Variants in SBF2 observed in about 807,000 individuals in gnomAD.
The protein encoded by SBF2 is SET binding factor 2.
In SBF2, 112 loss-of-function variants were observed where a neutral mutation model predicts 225.2. That is an observed-to-expected ratio of 0.50 (90% CI 0.43 to 0.58). The LOEUF is 0.58. SBF2 is among the 20% of genes least tolerant of loss of function. The pLI is 0.00. For synonymous variants in SBF2, 763 were observed against 773.3 expected (o/e 0.99, Z 0.22); for missense variants, 1,996 against 2,206.2 (o/e 0.90, Z 1.91).
chr11:9,800,618 A>C (rs1037396630), intron 32 of SBF2, among the ~76,000 whole-genome samples: 1 of 151,922 alleles, frequency 6.6e-6, no homozygotes, highest in African/African-American at 2.4e-5. Flanking sequence ...TGTGTTAGCC[A>C]GGATGGTCTC....
At chr11:9,964,131 C>T (rs1444146983) in intron 14 of SBF2, among the ~76,000 whole-genome samples, 1 of 152,170 alleles carries the variant, frequency 6.6e-6, no homozygotes, top group Non-Finnish European at 1.5e-5. Context: ...GCACTGTAAT[C>T]CCAGTGACTC....
intron 2 of SBF2, among the ~76,000 whole-genome samples, chr11:10,085,288 C>T (rs1392438122): frequency 6.6e-6 from 1 of 152,140 alleles, no homozygotes; most frequent in Admixed American, 6.5e-5. Flanking sequence ...ACTCGTATTA[C>T]ATGAATATTA....
At chr11:9,787,505 C>T in intron 36 of SBF2, 129 bp downstream of exon 36, 1 of 756,504 alleles carries the variant, frequency 1.3e-6, no homozygotes. Context: ...GGACATGACC[C>T]CTCCCCTTTC....
chr11:10,063,856 C>CAGAGAG (rs1487944368), intron 2 of SBF2, among the ~76,000 whole-genome samples: 12 of 125,680 alleles, frequency 9.5e-5, no homozygotes, highest in African/African-American at 3.5e-4. Context: ...CACACACACA[C>CAGAGAG]ACAGAGAGAG....
chr11:10,275,781 C>T (rs1169882587), intron 1 of SBF2, among the ~76,000 whole-genome samples: 2 of 152,088 alleles, frequency 1.3e-5, no homozygotes, highest in African/African-American at 4.8e-5. Context: ...ACAAAAAATT[C>T]TATAGGCTCT....
intron 2 of SBF2, among the ~76,000 whole-genome samples, chr11:10,120,596 T>C (rs1953390428): frequency 6.6e-6 from 1 of 152,130 alleles, no homozygotes; most frequent in Non-Finnish European, 1.5e-5. Context: ...ACATCCTCAG[T>C]AACACTTGTT....
At chr11:10,015,146 T>TAATAATAA (rs1948604477) in intron 6 of SBF2, among the ~76,000 whole-genome samples, 1 of 151,958 alleles carries the variant, frequency 6.6e-6, no homozygotes, top group Admixed American at 6.6e-5. Context: ...TCAATAATAA[T>TAATAATAA]AATAATAAAA....
intron 2 of SBF2, among the ~76,000 whole-genome samples, chr11:10,050,358 A>G (rs1051079332): frequency 6.6e-6 from 1 of 152,118 alleles, no homozygotes; most frequent in African/African-American, 2.4e-5. Flanking sequence ...TATGTTCAAG[A>G]TCCCACAGTG....
intron 17 of SBF2, among the ~76,000 whole-genome samples, chr11:9,873,121 G>A (rs575991269): frequency 6.2e-5 from 9 of 144,470 alleles, no homozygotes; most frequent in Non-Finnish European, 7.4e-5. Flanking sequence ...CAGGAGAATC[G>A]CTTGAACCCG....
chr11:10,048,165 C>A (rs1016925493), intron 2 of SBF2, among the ~76,000 whole-genome samples: 1 of 152,090 alleles, frequency 6.6e-6, no homozygotes, highest in Non-Finnish European at 1.5e-5. Flanking sequence ...CACAGTCAGC[C>A]CTCAGGAAGC....
intron 29 of SBF2, among the ~76,000 whole-genome samples, chr11:9,815,372 G>T (rs1164181704): frequency 2.0e-5 from 3 of 148,246 alleles, no homozygotes; most frequent in Non-Finnish European, 4.5e-5. Flanking sequence ...AGAATTGCTT[G>T]AACCTGGGAG....
At chr11:10,205,606 A>G (rs1205613319) in intron 1 of SBF2, among the ~76,000 whole-genome samples, 1 of 152,074 alleles carries the variant, frequency 6.6e-6, no homozygotes, top group Non-Finnish European at 1.5e-5. Context: ...CAGATCAAAC[A>G]GAAGTTCCAC....
chr11:9,839,744 T>C lies in SBF2; in HGVS notation c.3257-48A>G, dbSNP rs149023883. On this transcript the variant is annotated intron_variant, in intron 25 of 39. Transcript: ENST00000256190. The stretch of plus-strand genomic sequence containing the variant: ...CGAAGAAATGATTAGCTCAAAGCAA[T>C]TGAGGTCTTCAGGGTAGTACCTGTG... 29 of 1,546,240 alleles carry C rather than the reference T, an allele frequency of 1.9e-5. 1 individual carries two copies. In the African/African-American group the frequency reaches 2.7e-4, roughly 15 times the overall value.
chr11:9,902,864 G>A (rs180831412), intron 16 of SBF2, among the ~76,000 whole-genome samples: 1 of 152,062 alleles, frequency 6.6e-6, no homozygotes, highest in East Asian at 1.9e-4. Flanking sequence ...AATTAAGTAA[G>A]CCTTTAAGAA....
Position 10,031,150 on chromosome 11 carries a change from A to G in SBF2, c.300T>C (p.Ile100=), listed in dbSNP as rs2134636651. Residue 100 remains isoleucine, a synonymous_variant, in exon 4 of 40, where the codon ATT becomes ATC. Coordinates refer to ENST00000256190, the MANE Select transcript of SBF2 (RefSeq NM_030962.4). ...AACCAGACACTTTTGCTTCACCTTC[A>G]ATCTCTTCCTTCTTTGTTCCCTAGA... ...INLQGTKKEE[I]EGEAKVSGLI... is the part of the protein sequence containing the mutation. 6.2e-7 allele frequency: 1 copy of G among 1,613,564 alleles called. No homozygotes were observed. The highest frequency in any genetic ancestry group is 1.7e-5 in the Admixed American group (1 of 60,008).
chr11:9,818,879 G>A (rs1590152747), intron 28 of SBF2, among the ~76,000 whole-genome samples: 2 of 151,608 alleles, frequency 1.3e-5, no homozygotes, highest in South Asian at 2.1e-4. Context: ...ACACCACCAC[G>A]CCCGGCTAAT....
chr11:10,232,018 T>C lies in SBF2; in HGVS notation c.56-38031A>G, dbSNP rs897976259. On this transcript the variant is annotated intron_variant, in intron 1 of 39. Coordinates refer to ENST00000256190, the MANE Select transcript of SBF2 (RefSeq NM_030962.4). ...AAGCCTTGGCAATGGCGGACGCCCC[T>C]CCCCCAGCCTCACTGCCGCCTTGCA... is the stretch of plus-strand genomic sequence containing the variant. 9.2e-5 allele frequency among the ~76,000 whole-genome samples: 14 copies of C among 151,856 alleles called. No homozygotes were observed. The East Asian group carries it at 2.5e-3, about 28-fold the overall frequency.
chr11:9,894,412 G>A (rs1334591410), intron 17 of SBF2, among the ~76,000 whole-genome samples: 2 of 152,192 alleles, frequency 1.3e-5, no homozygotes, highest in African/African-American at 4.8e-5. Flanking sequence ...ACCTACTCGG[G>A]AGGCTGAGGC....
chr11:9,785,266 G>A lies in SBF2; in HGVS notation c.5090C>T (p.Ser1697Phe), dbSNP rs947447768. 2.5e-6 allele frequency: 4 copies of A among 1,614,224 alleles called. No homozygotes were observed. The Admixed American group carries it at 5.0e-5, about 20-fold the overall frequency. Residue 1697 changes from serine to phenylalanine, a missense_variant, in exon 37 of 40, where the codon TCC becomes TTC. Coordinates refer to ENST00000256190, the MANE Select transcript of SBF2 (RefSeq NM_030962.4). ...ATGTAGCAGAGACCTCTTCTGATAG[G>A]AAGGTAGGTTGGTAGACACAATTCC... ...SPGIVSTNLP[S>F]YQKRSLLHLP...
Sources: allele counts gnomAD v4.1 joint callset (sites outside exome capture counted in the v4.1 genomes callset), GRCh38; gene constraint gnomAD v4.1.1; transcripts MANE v1.5; gene names NCBI Gene and HGNC (gene_info 2026-07-23, HGNC 2026-07-21).